Variants in IKZF4 observed in about 807,000 individuals in gnomAD.
IKZF4 encodes IKAROS family zinc finger 4.
Under a neutral mutation model 47.7 loss-of-function variants are expected in IKZF4, and 11 were observed. The ratio of observed to expected loss-of-function variants is 0.23; its 90% CI spans 0.15 to 0.38. The LOEUF is 0.38. Ranked by LOEUF, IKZF4 falls within the 10% of genes least tolerant of loss-of-function variation. The probability of loss-of-function intolerance (pLI) is 1.00; values close to 1 mark genes in which losing one functional copy is unlikely to be tolerated. For missense variants in IKZF4, 557 were observed against 784.9 expected (o/e 0.71, Z 3.47); for synonymous variants, 298 against 299.4 (o/e 1.00, Z 0.05).
chr12:56,018,109 A>G (rs1325836548), upstream of IKZF4: 4 of 1,286,098 alleles, frequency 3.1e-6, no homozygotes, highest in Admixed American at 4.6e-5. Flanking sequence ...AATAGCAGCT[A>G]TTTTCTTTTT....
rs559849471 is a variant in IKZF4 at position 56,033,698 on chromosome 12, A to G, written c.997+377A>G. On this transcript the variant is annotated intron_variant, in intron 7 of 7. Transcript: ENST00000547167. The stretch of plus-strand genomic sequence containing the variant: ...CTCCATCCATCCTGGGCAACAGAGC[A>G]AGACTCCGTCTCAAAAGAAAAAAGA... 2.0e-4 allele frequency among the ~76,000 whole-genome samples: 30 copies of G among 152,152 alleles called. No individual in the cohort carries two copies. In the East Asian group the frequency reaches 4.6e-3, roughly 24 times the overall value.
chr12:56,029,778 A>G (rs1315771926), intron 5 of IKZF4: 3 of 152,200 alleles, frequency 2.0e-5, no homozygotes, highest in Middle Eastern at 3.4e-3. Context: ...TGTTGGGGGG[A>G]AAAATGAGTT....
chr12:56,020,725 G>A (rs926105552), upstream of IKZF4, among the ~76,000 whole-genome samples: 6 of 152,106 alleles, frequency 3.9e-5, no homozygotes, highest in African/African-American at 1.2e-4. Flanking sequence ...CTTTTTGCCC[G>A]GGATCTGAAA....
intron 7 of IKZF4, among the ~76,000 whole-genome samples, chr12:56,033,840 G>A (rs745337709): frequency 1.3e-5 from 2 of 152,208 alleles, no homozygotes; most frequent in Non-Finnish European, 2.9e-5. Context: ...GGTTGGCACT[G>A]AAGACTCTCG....
At chr12:56,022,352 G>C (rs972895080) in intron 1 of IKZF4, among the ~76,000 whole-genome samples, 3 of 152,092 alleles carry the variant, frequency 2.0e-5, no homozygotes, top group African/African-American at 7.2e-5. Context: ...TCATGATTTG[G>C]CTTTGCCCTC....
At position 56,021,597 on chromosome 12, in the gene IKZF4, GGCGGC is replaced by G; in HGVS notation, c.87+18_87+22del. On this transcript the variant is annotated intron_variant, in intron 1 of 7. Transcript: ENST00000547167. Reference sequence around the variant, plus strand: ...AAGGATAATGTAAGTTCAGGCAGAAGGCGGCTAGTGGAGGGAGGAAGGGGGGTGCT... The same window carrying G: ...AAGGATAATGTAAGTTCAGGCAGAAGTAGTGGAGGGAGGAAGGGGGGTGCT... 1 of 1,585,720 alleles carries G rather than the reference GGCGGC, an allele frequency of 6.3e-7. No homozygotes were observed. The highest frequency in any genetic ancestry group is 8.6e-7 in the Non-Finnish European group (1 of 1,167,260).
intron 1 of IKZF4, 53 bp downstream of exon 1, chr12:56,021,633 T>G: frequency 1.9e-6 from 3 of 1,548,336 alleles, no homozygotes; most frequent in Non-Finnish European, 2.6e-6. Flanking sequence ...GTGCTGGGGC[T>G]AGGGAGCCAA....
At chr12:56,016,212 A>AC (rs1277753339), upstream of IKZF4, among the ~76,000 whole-genome samples, 1 of 151,258 alleles carries the variant, frequency 6.6e-6, no homozygotes, top group Non-Finnish European at 1.5e-5. Context: ...GCCTTCCTGC[A>AC]CCCCCTCACC....
At chr12:56,013,525 C>T (rs1891600054) in intron 2 of IKZF4, among the ~76,000 whole-genome samples, 1 of 152,130 alleles carries the variant, frequency 6.6e-6, no homozygotes, top group African/African-American at 2.4e-5. Flanking sequence ...AGCTAATCTC[C>T]TTCCAAGATC....
At chr12:56,027,184 C>A in intron 4 of IKZF4, 143 bp downstream of exon 4, 5 of 399,752 alleles carry the variant, frequency 1.3e-5, no homozygotes, top group East Asian at 6.7e-5. Flanking sequence ...TCTCACCCAG[C>A]ACATTTTCCA....
intron 1 of IKZF4, among the ~76,000 whole-genome samples, chr12:56,022,807 T>A (rs563911651): frequency 5.0e-4 from 74 of 148,956 alleles, no homozygotes; most frequent in African/African-American, 1.8e-3. Context: ...CTTTTTTTTT[T>A]TTTTTTTTTT....
chr12:56,034,406 T>A (rs1364706144), intron 7 of IKZF4, among the ~76,000 whole-genome samples, 165 bp from the exon 8 acceptor site: 8 of 152,116 alleles, frequency 5.3e-5, no homozygotes, highest in Non-Finnish European at 8.8e-5. Context: ...GATTATAGCC[T>A]AGAGTCAGGG....
upstream of IKZF4, among the ~76,000 whole-genome samples, chr12:56,016,230 CT>C (rs773292902): frequency 1.6e-4 from 25 of 151,934 alleles, no homozygotes; most frequent in Middle Eastern, 3.4e-3. Context: ...ACCCCCACCC[CT>C]ACCTCTCTCA....
chr12:56,033,867 C>G (rs1239313440), intron 7 of IKZF4, among the ~76,000 whole-genome samples: 2 of 152,046 alleles, frequency 1.3e-5, no homozygotes, highest in Non-Finnish European at 2.9e-5. Flanking sequence ...TTGTAAGGGA[C>G]AGGGTCGAGG....
At chr12:56,024,949 A>G (rs1893701552) in intron 2 of IKZF4, 105 bp from the exon 3 acceptor site, 2 of 1,538,474 alleles carry the variant, frequency 1.3e-6, no homozygotes, top group African/African-American at 1.4e-5. Context: ...ATGGCTATGA[A>G]GGAAATGTTT....
At chr12:56,034,460 G>A (rs77508451) in intron 7 of IKZF4, 111 bp from the exon 8 acceptor site, 57,871 of 1,120,516 alleles carry the variant, frequency 0.052, 1,796 homozygotes, top group Non-Finnish European at 0.061. Flanking sequence ...TAAATGCCAC[G>A]TAGTAAATAA....
intron 1 of IKZF4, chr12:56,021,907 G>C (rs1227202449): frequency 1.8e-5 from 7 of 384,116 alleles, no homozygotes; most frequent in Non-Finnish European, 3.4e-5. Context: ...TGGGTGGGAA[G>C]GGGTAGTGGA....
At chr12:56,028,616 A>T (rs553278943) in intron 5 of IKZF4, among the ~76,000 whole-genome samples, 15 of 148,686 alleles carry the variant, frequency 1.0e-4, no homozygotes, top group African/African-American at 3.7e-4. Flanking sequence ...GGTGTCTCAC[A>T]CTGTTGCCCA....
In IKZF4 at chr12:56,037,974, C is replaced by T. The variant is rs944068931; in HGVS notation, c.*2643C>T. ...ATTTCTAAGTAGACACTTTTCCAGA[C>T]CTTTGTTTTTTTGTGTCAGTGTCCA... On this transcript the variant is annotated 3_prime_UTR_variant, in exon 8 of 8. Transcript: ENST00000547167. 6.6e-6 allele frequency: 1 copy of T among 151,642 alleles called. No individual in the cohort carries two copies. The highest frequency in any genetic ancestry group is 6.6e-5 in the Admixed American group (1 of 15,198). The allele number at this position is 151,642 out of a possible 1,614,324, so 9.4% of individuals were successfully genotyped here.
Sources: allele counts gnomAD v4.1 joint callset (sites outside exome capture counted in the v4.1 genomes callset), GRCh38; gene constraint gnomAD v4.1.1; transcripts MANE v1.5; gene names NCBI Gene and HGNC (gene_info 2026-07-23, HGNC 2026-07-21).